KIAA1217: variants seen among roughly 807,000 people sequenced by gnomAD.
The protein encoded by KIAA1217 is KIAA1217.
In KIAA1217, 88 loss-of-function variants were observed where a neutral mutation model predicts 163.9. The ratio of observed to expected loss-of-function variants is 0.54; its 90% CI spans 0.45 to 0.64. The LOEUF (loss-of-function observed/expected upper bound fraction) is 0.64. Ranked by LOEUF, KIAA1217 falls within the 30% of genes least tolerant of loss-of-function variation. The pLI is 0.00. For missense variants in KIAA1217, 2,372 were observed against 2,475.0 expected, an observed-to-expected ratio of 0.96 and a Z score of 0.88; for synonymous variants, 903 against 923.1, an observed-to-expected ratio of 0.98 and a Z score of 0.39.
intron 1 of KIAA1217, among the ~76,000 whole-genome samples, chr10:23,704,544 G>A (rs992667206): frequency 2.6e-5 from 4 of 151,872 alleles, no homozygotes; most frequent in African/African-American, 7.3e-5. Context: ...TCATGTATAT[G>A]GAATCATAAC....
chr10:23,848,457 A>G (rs1218910853), intron 1 of KIAA1217, among the ~76,000 whole-genome samples: 2 of 151,716 alleles, frequency 1.3e-5, no homozygotes, highest in African/African-American at 2.4e-5. Context: ...TCTCTTTTCA[A>G]CCCCAAATGC....
chr10:24,217,080 A>G (rs1452412836), intron 1 of KIAA1217, among the ~76,000 whole-genome samples: 1 of 149,656 alleles, frequency 6.7e-6, no homozygotes, highest in Non-Finnish European at 1.5e-5. Flanking sequence ...TAGATCAAGT[A>G]TACAACAATT....
intron 14 of KIAA1217, among the ~76,000 whole-genome samples, chr10:24,529,829 A>C: frequency 2.3e-5 from 3 of 132,278 alleles, no homozygotes; most frequent in African/African-American, 3.0e-5. Flanking sequence ...ACTGAGTCTC[A>C]CTCTGTCACC....
chr10:24,358,559 C>T (rs2049434654), intron 2 of KIAA1217, among the ~76,000 whole-genome samples: 2 of 152,110 alleles, frequency 1.3e-5, no homozygotes, highest in Admixed American at 1.3e-4. Flanking sequence ...TCAAAGCTCT[C>T]ATAAATCTAT....
chr10:23,945,328 G>A (rs1471618377), intron 1 of KIAA1217, among the ~76,000 whole-genome samples: 1 of 152,120 alleles, frequency 6.6e-6, no homozygotes, highest in African/African-American at 2.4e-5. Context: ...CTGCAACCAC[G>A]TGGATGAATC....
chr10:23,952,009 T>G (rs1369574231), intron 1 of KIAA1217, among the ~76,000 whole-genome samples: 2 of 152,304 alleles, frequency 1.3e-5, no homozygotes, highest in East Asian at 3.9e-4. Flanking sequence ...TCAGTGTAGC[T>G]TAAAGGATTA....
At chr10:24,012,826 C>A (rs555299661) in intron 2 of KIAA1217, among the ~76,000 whole-genome samples, 1 of 152,234 alleles carries the variant, frequency 6.6e-6, no homozygotes, top group South Asian at 2.1e-4. Context: ...TATTACTGAT[C>A]TCATGCTTCT....
At chr10:23,849,384 T>C (rs1004808384) in intron 1 of KIAA1217, among the ~76,000 whole-genome samples, 2 of 152,060 alleles carry the variant, frequency 1.3e-5, no homozygotes, top group African/African-American at 4.8e-5. Flanking sequence ...AGTTCTTTGC[T>C]TATCCTCTCC....
At chr10:23,856,980 C>T (rs961142263) in intron 1 of KIAA1217, among the ~76,000 whole-genome samples, 7 of 152,224 alleles carry the variant, frequency 4.6e-5, no homozygotes, top group African/African-American at 1.2e-4. Flanking sequence ...GGCAATGCCT[C>T]GCCCTGCTTT....
At chr10:24,288,910 T>G (rs1209257196) in intron 2 of KIAA1217, among the ~76,000 whole-genome samples, 1 of 152,138 alleles carries the variant, frequency 6.6e-6, no homozygotes, top group African/African-American at 2.4e-5. Flanking sequence ...AATTTGCACT[T>G]TAGGCAAGTC....
rs115958225 is a variant in KIAA1217 at position 23,826,142 on chromosome 10, G to A, written c.-321+130908G>A. Among the ~76,000 whole-genome samples the A allele has an allele frequency of 5.2e-3, 785 of 151,916 alleles. 4 individuals carry two copies. The highest frequency in any genetic ancestry group is 0.018 in the African/African-American group (759 of 41,416). ...TCTAGATTTAACATTCTTTTATATT[G>A]CACTAGTTATGTTTGAATTTTTTTT... On this transcript the variant is annotated intron_variant, in intron 1 of 18. Transcript: ENST00000376462.
intron 1 of KIAA1217, among the ~76,000 whole-genome samples, chr10:23,704,156 G>A (rs1378007454): frequency 4.0e-5 from 3 of 75,062 alleles, no homozygotes; most frequent in South Asian, 1.0e-3. Flanking sequence ...ATGTGTGTGT[G>A]TGTGTGTGTG....
chr10:24,388,202 C>T (rs2054294327), intron 3 of KIAA1217, among the ~76,000 whole-genome samples: 1 of 152,210 alleles, frequency 6.6e-6, no homozygotes, highest in East Asian at 1.9e-4. Context: ...GGTACCAAAA[C>T]AGAGATACAG....
chr10:23,818,070 T>TATAC (rs1554802125), intron 1 of KIAA1217, among the ~76,000 whole-genome samples: 27 of 124,240 alleles, frequency 2.2e-4, no homozygotes, highest in African/African-American at 8.7e-4. Context: ...CATATATATA[T>TATAC]ACACACACAC....
intron 1 of KIAA1217, among the ~76,000 whole-genome samples, chr10:23,919,770 T>C (rs954082150): frequency 3.3e-5 from 5 of 152,164 alleles, no homozygotes; most frequent in African/African-American, 1.2e-4. Flanking sequence ...CCAAACCCTA[T>C]TCTTTCGGTG....
chr10:24,235,142 CATT>C (rs764796834), intron 2 of KIAA1217, among the ~76,000 whole-genome samples: 4 of 152,202 alleles, frequency 2.6e-5, no homozygotes, highest in Non-Finnish European at 4.4e-5. Context: ...GGTCTACTCA[CATT>C]ATGGTGGGCC....
chr10:24,210,123 A>C (rs1175852962), intron 1 of KIAA1217, among the ~76,000 whole-genome samples: 1 of 151,082 alleles, frequency 6.6e-6, no homozygotes, highest in Non-Finnish European at 1.5e-5. Flanking sequence ...AGTACACAAC[A>C]AAAAGACGTG....
At chr10:23,972,963 G>C (rs954679892) in intron 1 of KIAA1217, among the ~76,000 whole-genome samples, 6 of 152,152 alleles carry the variant, frequency 3.9e-5, no homozygotes, top group Non-Finnish European at 8.8e-5. Context: ...GTTGGGGTTT[G>C]GGGGTGAGGG....
intron 2 of KIAA1217, among the ~76,000 whole-genome samples, chr10:24,105,501 T>G (rs910088600): frequency 6.6e-6 from 1 of 152,190 alleles, no homozygotes; most frequent in African/African-American, 2.4e-5. Flanking sequence ...GAGCCAGGCA[T>G]AAATAAGCTT....
Sources: allele counts gnomAD v4.1 joint callset (sites outside exome capture counted in the v4.1 genomes callset), GRCh38; gene constraint gnomAD v4.1.1; transcripts MANE v1.5; gene names NCBI Gene and HGNC (gene_info 2026-07-23, HGNC 2026-07-21).